Variants in TMEM87B observed in about 807,000 individuals in gnomAD.
TMEM87B encodes the protein transmembrane protein 87B.
A neutral mutation model predicts 80.3 loss-of-function variants in TMEM87B; 83 were observed. The observed-to-expected ratio is 1.03, with a 90% confidence interval of 0.87 to 1.24. TMEM87B has a LOEUF of 1.24. TMEM87B is among the 50% of genes most tolerant of loss of function. The pLI, the probability that TMEM87B is intolerant of heterozygous loss-of-function variation, is 0.00. For synonymous variants in TMEM87B, 219 were observed against 230.5 expected, an observed-to-expected ratio of 0.95 and a Z score of 0.45; for missense variants, 625 against 674.4, an observed-to-expected ratio of 0.93 and a Z score of 0.81.
At chr2:112,090,129 T>G (rs565158463) in intron 10 of TMEM87B, among the ~76,000 whole-genome samples, 1 of 152,336 alleles carries the variant, frequency 6.6e-6, no homozygotes, top group African/African-American at 2.4e-5. Context: ...ATCACTCTTT[T>G]AAGTCTCATT....
intron 9 of TMEM87B, among the ~76,000 whole-genome samples, chr2:112,087,145 G>A (rs967663790): frequency 6.6e-6 from 1 of 152,000 alleles, no homozygotes; most frequent in Non-Finnish European, 1.5e-5. Context: ...GCAGGACATT[G>A]ACACCCAAAG....
Position 112,096,068 on chromosome 2 carries a change from C to T in TMEM87B, c.1105-976C>T, listed in dbSNP as rs117676224. Among the ~76,000 whole-genome samples the T allele has an allele frequency of 2.0e-3, 298 of 152,110 alleles. 5 individuals are homozygous for T. The East Asian group carries it at 0.04, about 20-fold the overall frequency. On this transcript the variant is annotated intron_variant, in intron 11 of 18. Transcript: ENST00000283206. ...AGAAAAGACTTACCTCAGAGAACCC[C>T]CTTCCCCACTGGACTTAGGTAAGAC...
intron 15 of TMEM87B, among the ~76,000 whole-genome samples, chr2:112,103,019 G>A (rs1679671323): frequency 6.6e-6 from 1 of 152,188 alleles, no homozygotes. Flanking sequence ...AAGTAAAACT[G>A]TGTTTATTCG....
intron 1 of TMEM87B, among the ~76,000 whole-genome samples, chr2:112,059,162 GTTTTGTTTTT>G (rs1030227160): frequency 3.7e-4 from 56 of 152,180 alleles, no homozygotes; most frequent in African/African-American, 1.3e-3. Flanking sequence ...GTTTTGTTTT[GTTTTGTTTTT>G]AATGCCTAAT....
In TMEM87B at chr2:112,116,473, A is replaced by G. The variant is rs762762017; in HGVS notation, c.*330A>G. On this transcript the variant is annotated 3_prime_UTR_variant, in exon 19 of 19. Coordinates refer to ENST00000283206, the MANE Select transcript of TMEM87B (RefSeq NM_032824.3). ...TCTCTGGAACATATGACAATTCCAG[A>G]TTAAAGAAAAATGTTTTTTAATAAA... is the stretch of plus-strand genomic sequence containing the variant. The G allele has an allele frequency of 1.0e-5, 2 of 195,308 alleles. No homozygotes were observed. Among genetic ancestry groups the G allele is most frequent in the Non-Finnish European group, 2.1e-5 (2 of 97,050 alleles). The allele number at this position is 195,308 out of a possible 1,614,324, so 12.1% of individuals were successfully genotyped here.
chr2:112,078,565 C>T (rs570459664), intron 6 of TMEM87B, among the ~76,000 whole-genome samples: 12 of 152,322 alleles, frequency 7.9e-5, no homozygotes, highest in African/African-American at 2.9e-4. Context: ...CTTAATACCA[C>T]CACAGTGGGT....
chr2:112,081,529 A>C lies in TMEM87B; in HGVS notation c.838+11A>C, dbSNP rs781388701. The C allele has an allele frequency of 3.1e-6, 5 of 1,596,914 alleles. No individual in the cohort carries two copies. The highest frequency in any genetic ancestry group is 4.3e-6 in the Non-Finnish European group (5 of 1,174,122). On this transcript the variant is annotated intron_variant, in intron 8 of 18. Coordinates refer to ENST00000283206, the MANE Select transcript of TMEM87B (RefSeq NM_032824.3). The stretch of plus-strand genomic sequence containing the variant: ...ACACTGGACTGTCAAGTAAGTTTTG[A>C]CTGTCTCTGTAAATATAGTATGATC...
intron 1 of TMEM87B, 129 bp from the exon 2 acceptor site, chr2:112,059,848 G>A: frequency 3.2e-6 from 4 of 1,242,062 alleles, no homozygotes; most frequent in Non-Finnish European, 4.3e-6. Context: ...GATGTGATCA[G>A]ATTTACGTTA....
At chr2:112,058,900 G>C (rs770402493) in intron 1 of TMEM87B, among the ~76,000 whole-genome samples, 13 of 152,352 alleles carry the variant, frequency 8.5e-5, no homozygotes, top group Non-Finnish European at 1.6e-4. Context: ...AGGAGCCATG[G>C]CTTGGGTGAC....
chr2:112,061,054 G>A (rs545619629), intron 2 of TMEM87B, among the ~76,000 whole-genome samples: 3 of 152,136 alleles, frequency 2.0e-5, no homozygotes, highest in South Asian at 2.1e-4. Context: ...TTTTCAAAAC[G>A]TACATATCCT....
chr2:112,097,028 CCTTAA>C lies in TMEM87B; in HGVS notation c.1105-12_1105-8del, dbSNP rs1414512272. 5 of 1,501,076 alleles carry C rather than the reference CCTTAA, an allele frequency of 3.3e-6. No homozygotes were observed. Among genetic ancestry groups the C allele is most frequent in the South Asian group, 2.4e-5 (2 of 81,666 alleles). The allele number at this position is 1,501,076 out of a possible 1,614,324, so 93.0% of individuals were successfully genotyped here. ...TCTTATTATTACTTGGAATGTTTTTCCTTAACTTTTTTCACATTTTTATTAGTTTG... is the reference window on the plus strand; with the variant it reads ...TCTTATTATTACTTGGAATGTTTTTCCTTTTTTCACATTTTTATTAGTTTG... On this transcript the variant is annotated splice_polypyrimidine_tract_variant and intron_variant, in intron 11 of 18. Transcript: ENST00000283206.
At chr2:112,077,319 T>G in intron 6 of TMEM87B, 37 bp downstream of exon 6, 1 of 1,181,592 alleles carries the variant, frequency 8.5e-7, no homozygotes, top group Non-Finnish European at 1.2e-6. Context: ...CTGTCTGCAT[T>G]TTCTGTATTC....
chr2:112,112,819 A>C, intron 17 of TMEM87B, 80 bp from the exon 18 acceptor site: 1 of 1,321,222 alleles, frequency 7.6e-7, no homozygotes, highest in Non-Finnish European at 1.1e-6. Flanking sequence ...GGGCCATGGC[A>C]TGTGCCTGTA....
intron 4 of TMEM87B, among the ~76,000 whole-genome samples, chr2:112,072,227 T>G (rs774243683): frequency 2.0e-5 from 3 of 152,220 alleles, no homozygotes; most frequent in Non-Finnish European, 4.4e-5. Context: ...ATCAAAGATA[T>G]TGGCCTGAAG....
chr2:112,079,816 G>A (rs1678932803), intron 6 of TMEM87B, among the ~76,000 whole-genome samples: 1 of 151,926 alleles, frequency 6.6e-6, no homozygotes, highest in South Asian at 2.1e-4. Context: ...AATGATATTG[G>A]GGTTTTAATT....
At chr2:112,075,623 G>A (rs1433191384) in intron 5 of TMEM87B, among the ~76,000 whole-genome samples, 1 of 152,208 alleles carries the variant, frequency 6.6e-6, no homozygotes, top group African/African-American at 2.4e-5. Flanking sequence ...ATGTGGGAGG[G>A]AAATTTTGGC....
At chr2:112,080,915 T>G in intron 6 of TMEM87B, 142 bp from the exon 7 acceptor site, 1 of 657,672 alleles carries the variant, frequency 1.5e-6, no homozygotes. Context: ...CAAATACTAA[T>G]TGTCCAATAC....
In TMEM87B at chr2:112,055,753, C is replaced by G. The variant is rs753623692; in HGVS notation, c.162C>G (p.Asn54Lys). Residue 54 changes from asparagine (N) to lysine (K), a missense_variant, in exon 1 of 19, where the codon AAC (asparagine) becomes AAG (lysine). Transcript: ENST00000283206. ...PELGLWLETV[N>K]DKSGPLIFRK... ...TCGGGCTCTGGTTAGAGACAGTCAA[C>G]GACGTAAGTGGAGTGTCGGGACCCA... 1 of 1,485,428 alleles carries G rather than the reference C, an allele frequency of 6.7e-7. No homozygotes were observed. The highest frequency in any genetic ancestry group is 1.4e-5 in the South Asian group (1 of 72,976). The allele number at this position is 1,485,428 out of a possible 1,614,324, so 92.0% of individuals were successfully genotyped here. A position where few individuals can be genotyped will look rare whatever the true frequency, so the allele number is the denominator to read the frequency against.
At chr2:112,097,001 C>A (rs1189943911) in intron 11 of TMEM87B, 43 bp from the exon 12 acceptor site, 2 of 1,230,584 alleles carry the variant, frequency 1.6e-6, no homozygotes, top group Non-Finnish European at 2.3e-6. Context: ...TTTTTTTTAA[C>A]CTCTTATTAT....
Sources: allele counts gnomAD v4.1 joint callset (sites outside exome capture counted in the v4.1 genomes callset), GRCh38; gene constraint gnomAD v4.1.1; transcripts MANE v1.5; gene names NCBI Gene and HGNC (gene_info 2026-07-23, HGNC 2026-07-21).